Variants in ADGB observed in about 807,000 individuals in gnomAD.
ADGB encodes the protein calpain-7-like protein.
A neutral mutation model predicts 210.5 loss-of-function variants in ADGB; 172 were observed. The ratio of observed to expected loss-of-function variants is 0.82; its 90% confidence interval spans 0.72 to 0.93. The LOEUF is 0.93. Among genes scored for constraint, ADGB ranks in the 40% least tolerant of loss-of-function variants. The pLI, the probability that ADGB is intolerant of heterozygous loss-of-function variation, is 0.00. For missense variants in ADGB, 2,025 were observed against 1,964.8 expected (o/e 1.03, Z -0.58); for synonymous variants, 658 against 662.7 (o/e 0.99, Z 0.11).
intron 10 of ADGB, 91 bp downstream of exon 10, chr6:146,685,919 T>C: frequency 1.4e-6 from 1 of 698,884 alleles, no homozygotes; most frequent in Non-Finnish European, 2.1e-6. Context: ...AGAAGGCACA[T>C]GAAAATTTAA....
chr6:146,761,355 C>A (rs1188938313), intron 27 of ADGB, among the ~76,000 whole-genome samples: 2 of 151,964 alleles, frequency 1.3e-5, no homozygotes, highest in Non-Finnish European at 2.9e-5. Flanking sequence ...ATGATATTTT[C>A]TCCATTGAAT....
At chr6:146,735,071 G>C (rs1167178965) in intron 22 of ADGB, among the ~76,000 whole-genome samples, 2 of 151,616 alleles carry the variant, frequency 1.3e-5, no homozygotes, top group Admixed American at 1.3e-4. Context: ...AACATTTAAT[G>C]ATAATATTTA....
chr6:146,746,129 G>C lies in ADGB; in HGVS notation c.3365+20G>C, dbSNP rs1002801391. Reference sequence around the variant, plus strand: ...ATTCAGGTACAAGTAAATGACAGAAGGGGAAAGGCATTTTTTAAAAAATAT... The same window carrying C: ...ATTCAGGTACAAGTAAATGACAGAACGGGAAAGGCATTTTTTAAAAAATAT... On this transcript the variant is annotated intron_variant, in intron 26 of 35. Coordinates refer to ENST00000397944, the MANE Select transcript of ADGB (RefSeq NM_024694.4). 28 of 1,437,754 alleles carry C rather than the reference G, an allele frequency of 1.9e-5. No homozygotes were observed. In the Admixed American group the frequency reaches 2.5e-4, roughly 13 times the overall value. 89.1% of individuals were successfully genotyped at this position (1,437,754 alleles called of 1,614,324 possible).
At chr6:146,804,204 A>G (rs781558632) in intron 35 of ADGB, among the ~76,000 whole-genome samples, 11 of 152,146 alleles carry the variant, frequency 7.2e-5, no homozygotes, top group Non-Finnish European at 1.5e-4. Flanking sequence ...AATTCAATAA[A>G]TATATATGGA....
chr6:146,675,685 T>TA (rs1776074541), intron 8 of ADGB, among the ~76,000 whole-genome samples: 1 of 152,126 alleles, frequency 6.6e-6, no homozygotes, highest in African/African-American at 2.4e-5. Flanking sequence ...GTTAGGGAAT[T>TA]AAAAAAATCT....
chr6:146,785,748 A>G (rs757369185), intron 32 of ADGB, 36 bp downstream of exon 32: 10 of 1,449,312 alleles, frequency 6.9e-6, no homozygotes, highest in Middle Eastern at 1.7e-4. Context: ...GCCTCAGAGC[A>G]CAGAGCTGTG....
At chr6:146,652,029 T>A (rs1190645532) in intron 3 of ADGB, among the ~76,000 whole-genome samples, 2 of 152,154 alleles carry the variant, frequency 1.3e-5, no homozygotes, top group Admixed American at 1.3e-4. Context: ...TTCTGACAAC[T>A]AGAAATGAGT....
chr6:146,727,249 G>A (rs1025539250), intron 19 of ADGB, among the ~76,000 whole-genome samples: 6 of 146,894 alleles, frequency 4.1e-5, no homozygotes, highest in African/African-American at 1.5e-4. Flanking sequence ...AGCAAATTTC[G>A]TGGCAAGCAG....
At chr6:146,808,711 G>A (rs1221345259) in intron 35 of ADGB, among the ~76,000 whole-genome samples, 1 of 152,102 alleles carries the variant, frequency 6.6e-6, no homozygotes, top group Admixed American at 6.5e-5. Context: ...TTTATTTATT[G>A]AGACATGGTC....
At chr6:146,676,659 A>C (rs1776089128) in intron 9 of ADGB, among the ~76,000 whole-genome samples, 1 of 152,190 alleles carries the variant, frequency 6.6e-6, no homozygotes, top group Admixed American at 6.6e-5. Context: ...TTGTCACAGA[A>C]GAAGTATCCA....
chr6:146,715,930 T>C (rs1270268401), intron 14 of ADGB, among the ~76,000 whole-genome samples: 2 of 151,266 alleles, frequency 1.3e-5, no homozygotes, highest in African/African-American at 2.4e-5. Flanking sequence ...TAGCAGGGCA[T>C]GGTGGTGTGT....
At chr6:146,720,051 T>C (rs539837678) in intron 16 of ADGB, among the ~76,000 whole-genome samples, 1 of 150,350 alleles carries the variant, frequency 6.7e-6, no homozygotes, top group Non-Finnish European at 1.5e-5. Flanking sequence ...GTTTTTCATA[T>C]ATTAACTTTT....
intron 1 of ADGB, among the ~76,000 whole-genome samples, chr6:146,601,604 T>G (rs1780557883): frequency 6.6e-6 from 1 of 152,192 alleles, no homozygotes; most frequent in African/African-American, 2.4e-5. Flanking sequence ...TAGAGTAAGT[T>G]TTTATGTCAT....
At chr6:146,672,731 T>TTC (rs1776027465) in intron 8 of ADGB, among the ~76,000 whole-genome samples, 1 of 150,822 alleles carries the variant, frequency 6.6e-6, no homozygotes, top group Non-Finnish European at 1.5e-5. Flanking sequence ...TTCTTTCTTT[T>TTC]TTTTTTTTTT....
intron 13 of ADGB, among the ~76,000 whole-genome samples, chr6:146,711,332 A>G (rs1228851194): frequency 6.6e-6 from 1 of 152,158 alleles, no homozygotes; most frequent in Non-Finnish European, 1.5e-5. Context: ...ATAGTCAAAT[A>G]CATCAAATAT....
chr6:146,650,631 A>G (rs932446079), intron 3 of ADGB, among the ~76,000 whole-genome samples: 3 of 125,170 alleles, frequency 2.4e-5, no homozygotes, highest in African/African-American at 8.7e-5. Flanking sequence ...AAAAAAAAAA[A>G]AAATCAGGGG....
intron 7 of ADGB, among the ~76,000 whole-genome samples, chr6:146,667,564 T>A (rs1216208378): frequency 1.3e-5 from 2 of 152,020 alleles, no homozygotes; most frequent in Non-Finnish European, 2.9e-5. Context: ...GGGTGGCATG[T>A]GCAGGTCTCC....
chr6:146,764,868 C>T (rs1320055147), intron 28 of ADGB, among the ~76,000 whole-genome samples: 1 of 152,048 alleles, frequency 6.6e-6, no homozygotes, highest in African/African-American at 2.4e-5. Context: ...GGCGTGATCT[C>T]GGCTCACTGC....
At chr6:146,660,386 A>G (rs1286988987) in intron 5 of ADGB, among the ~76,000 whole-genome samples, 1 of 152,212 alleles carries the variant, frequency 6.6e-6, no homozygotes, top group Non-Finnish European at 1.5e-5. Flanking sequence ...CAAAGTATGC[A>G]GTGAAAGTTC....
Sources: gnomAD v4.1 joint callset for allele counts (sites outside exome capture counted in the v4.1 genomes callset) on GRCh38, gnomAD v4.1.1 for gene constraint, MANE v1.5 for transcripts, NCBI Gene and HGNC (gene_info 2026-07-23, HGNC 2026-07-21) for gene names.